The following ANKRD31 variants were observed in gnomAD, a reference collection of about 807,000 sequenced individuals.
The protein encoded by ANKRD31 is ankyrin repeat domain-containing protein 31.
Under a neutral mutation model 186.0 loss-of-function variants are expected in ANKRD31, and 147 were observed. The observed-to-expected ratio is 0.79, with a 90% CI of 0.69 to 0.91. The LOEUF (loss-of-function observed/expected upper bound fraction) is 0.91. Among genes scored for constraint, ANKRD31 ranks in the 40% least tolerant of loss-of-function variants. The pLI is 0.00. For synonymous variants in ANKRD31, 673 were observed against 736.4 expected (o/e 0.91, Z 1.39); for missense variants, 1,986 against 2,148.8 (o/e 0.92, Z 1.50).
intron 11 of ANKRD31, among the ~76,000 whole-genome samples, chr5:75,161,028 A>G (rs1448790120): frequency 2.0e-5 from 3 of 152,136 alleles, no homozygotes; most frequent in African/African-American, 7.2e-5. Flanking sequence ...GTAAAAACAA[A>G]CTAAAACAGT....
In ANKRD31 at chr5:75,188,626, T is replaced by C; in HGVS notation, c.1431A>G (p.Ile477Met). 5 of 1,529,946 alleles carry C rather than the reference T, an allele frequency of 3.3e-6. No individual in the cohort carries two copies. The highest frequency in any genetic ancestry group is 4.4e-6 in the Non-Finnish European group (5 of 1,144,608). The allele number at this position is 1,529,946 out of a possible 1,614,324, so 94.8% of individuals were successfully genotyped here. ...TTCTCCGGTTAATGCTATGAAGAGA[T>C]ATTTTGTTCACCTTCATTTTTTCTG... is the stretch of plus-strand genomic sequence containing the variant. ...GKKEKMKVNK[I>M]SLHSINRRNI... The change falls in exon 10 of 26, where the codon ATA becomes ATG. Residue 477 changes from isoleucine (I) to methionine (M), a missense_variant. By Grantham distance (10) the Ile-to-Met change is conservative. Coordinates refer to ENST00000506364, the MANE Select transcript of ANKRD31 (RefSeq NM_001372053.1).
chr5:75,172,092 C>T (rs1265377989), intron 10 of ANKRD31, among the ~76,000 whole-genome samples: 1 of 151,564 alleles, frequency 6.6e-6, no homozygotes, highest in Non-Finnish European at 1.5e-5. Context: ...AAATCACAGA[C>T]AAAAGAATTA....
chr5:75,168,353 A>C (rs1753070959), intron 11 of ANKRD31, among the ~76,000 whole-genome samples: 1 of 152,174 alleles, frequency 6.6e-6, no homozygotes, highest in African/African-American at 2.4e-5. Context: ...ATCTTCAGCA[A>C]GTGCCTCAGC....
chr5:75,141,243 C>A (rs915937293), intron 15 of ANKRD31, among the ~76,000 whole-genome samples: 2 of 152,102 alleles, frequency 1.3e-5, no homozygotes, highest in Admixed American at 6.5e-5. Flanking sequence ...AAGAATAAGT[C>A]TCATATATCT....
intron 10 of ANKRD31, among the ~76,000 whole-genome samples, chr5:75,182,837 A>G (rs191910535): frequency 6.6e-6 from 1 of 152,304 alleles, no homozygotes; most frequent in African/African-American, 2.4e-5. Context: ...ATAAAAGTAA[A>G]CATATGGCTT....
intron 2 of ANKRD31, among the ~76,000 whole-genome samples, chr5:75,226,968 A>G (rs1757668243): frequency 6.6e-6 from 1 of 152,138 alleles, no homozygotes; most frequent in South Asian, 2.1e-4. Context: ...TATCAAAGAG[A>G]TATCTGCACT....
At chr5:75,182,225 C>G (rs1754367834) in intron 10 of ANKRD31, among the ~76,000 whole-genome samples, 1 of 152,082 alleles carries the variant, frequency 6.6e-6, no homozygotes, top group African/African-American at 2.4e-5. Context: ...GTTCTGGAAC[C>G]TGTGAAAATT....
chr5:75,106,317 C>G (rs970032855), intron 21 of ANKRD31, among the ~76,000 whole-genome samples: 1 of 152,002 alleles, frequency 6.6e-6, no homozygotes, highest in Non-Finnish European at 1.5e-5. Flanking sequence ...AGTTTAAGAG[C>G]TGCTGTTTTA....
chr5:75,118,358 C>A, intron 17 of ANKRD31, 61 bp from the exon 18 acceptor site: 3 of 1,282,512 alleles, frequency 2.3e-6, no homozygotes, highest in Middle Eastern at 2.0e-4. Context: ...TTTCTGTTTT[C>A]ATCACAAACA....
intron 11 of ANKRD31, among the ~76,000 whole-genome samples, chr5:75,161,488 GT>G (rs1472463792): frequency 1.3e-5 from 2 of 152,194 alleles, no homozygotes; most frequent in African/African-American, 4.8e-5. Flanking sequence ...GAGCATAAAA[GT>G]TTGGAAAATT....
chr5:75,209,216 T>C (rs1189781876), intron 4 of ANKRD31, among the ~76,000 whole-genome samples: 2 of 152,174 alleles, frequency 1.3e-5, no homozygotes, highest in Non-Finnish European at 2.9e-5. Context: ...ACATCATGCA[T>C]TGGTCTTTTA....
intron 22 of ANKRD31, among the ~76,000 whole-genome samples, chr5:75,097,809 T>G (rs1466107598): frequency 6.6e-6 from 1 of 152,230 alleles, no homozygotes; most frequent in Non-Finnish European, 1.5e-5. Context: ...TTTAAGTCTT[T>G]AATCCATCTT....
intron 11 of ANKRD31, among the ~76,000 whole-genome samples, chr5:75,161,363 C>T (rs1284417317): frequency 2.0e-5 from 3 of 152,108 alleles, no homozygotes; most frequent in Admixed American, 6.5e-5. Flanking sequence ...ATTTGTGGAA[C>T]TTTGAACTTG....
chr5:75,111,202 C>CA (rs5868763), intron 20 of ANKRD31, among the ~76,000 whole-genome samples: 229 of 143,828 alleles, frequency 1.6e-3, no homozygotes, highest in African/African-American at 2.8e-3. Context: ...TGTTCTTAGA[C>CA]AAAAAAAAAA....
chr5:75,215,924 T>C (rs1485307798), intron 3 of ANKRD31, among the ~76,000 whole-genome samples: 1 of 152,114 alleles, frequency 6.6e-6, no homozygotes, highest in African/African-American at 2.4e-5. Context: ...TTTATTTTCA[T>C]AGGATAAAAC....
At chr5:75,139,377 T>C (rs909298549) in intron 15 of ANKRD31, among the ~76,000 whole-genome samples, 3 of 152,188 alleles carry the variant, frequency 2.0e-5, no homozygotes, top group Admixed American at 6.5e-5. Flanking sequence ...CCTGATCACA[T>C]AGGTGCCAAG....
At chr5:75,231,881 G>A (rs527541135) in intron 1 of ANKRD31, among the ~76,000 whole-genome samples, 1 of 149,658 alleles carries the variant, frequency 6.7e-6, no homozygotes, top group South Asian at 2.2e-4. Context: ...TCCAGCCTAA[G>A]TGACAAAGTG....
intron 17 of ANKRD31, among the ~76,000 whole-genome samples, chr5:75,129,652 T>C (rs2150106916): frequency 6.6e-6 from 1 of 152,308 alleles, no homozygotes; most frequent in South Asian, 2.1e-4. Context: ...AAACCAATAA[T>C]TATTACTGAA....
intron 17 of ANKRD31, among the ~76,000 whole-genome samples, chr5:75,131,785 C>A (rs1188728429): frequency 6.7e-6 from 1 of 148,490 alleles, no homozygotes; most frequent in Non-Finnish European, 1.5e-5. Context: ...ACACCTCATA[C>A]TGCCAGGTGT....
Sources: allele counts gnomAD v4.1 joint callset (sites outside exome capture counted in the v4.1 genomes callset), GRCh38; gene constraint gnomAD v4.1.1; transcripts MANE v1.5; gene names NCBI Gene and HGNC (gene_info 2026-07-23, HGNC 2026-07-21).